Variants in REC114 observed in about 807,000 individuals in gnomAD.
The protein encoded by REC114 is meiotic recombination protein REC114.
In REC114, 27 loss-of-function variants were observed where a neutral mutation model predicts 31.3. The ratio of observed to expected loss-of-function variants is 0.86; its 90% CI spans 0.64 to 1.19. REC114 has a LOEUF of 1.19. Among genes scored for constraint, REC114 ranks in the 50% most tolerant of loss-of-function variants. The pLI, the probability that REC114 is intolerant of heterozygous loss-of-function variation, is 0.00. For missense variants in REC114, 344 were observed against 326.9 expected (o/e 1.05, Z -0.40); for synonymous variants, 134 against 127.7 (o/e 1.05, Z -0.33).
Position 73,447,805 on chromosome 15 carries a change from T to C in REC114, c.159+4461T>C, listed in dbSNP as rs371857783. ...CAACTGAGGTACCTGGTTCATCTCA[T>C]TGGGACTGGTTGGACAGTGGGTGCA... On this transcript the variant is annotated intron_variant, in intron 1 of 5. Transcript: ENST00000331090. 9.2e-5 allele frequency among the ~76,000 whole-genome samples: 14 copies of C among 152,236 alleles called. No homozygotes were observed. The East Asian group carries it at 1.2e-3, about 13-fold the overall frequency.
intron 1 of REC114, among the ~76,000 whole-genome samples, chr15:73,446,687 T>C (rs1892769110): frequency 6.6e-6 from 1 of 151,952 alleles, no homozygotes; most frequent in South Asian, 2.1e-4. Flanking sequence ...ACAACATACC[T>C]GAAAAAACCT....
chr15:73,555,616 G>T (rs1221689141), intron 4 of REC114, among the ~76,000 whole-genome samples: 1 of 152,042 alleles, frequency 6.6e-6, no homozygotes, highest in Non-Finnish European at 1.5e-5. Context: ...TACTTGTTAG[G>T]TTCTCACTGG....
chr15:73,445,277 C>T (rs1051757624), intron 1 of REC114, among the ~76,000 whole-genome samples: 4 of 152,168 alleles, frequency 2.6e-5, no homozygotes, highest in Admixed American at 2.6e-4. Context: ...CCTAGATGGC[C>T]TCTTCTTCTA....
chr15:73,475,401 T>C, intron 2 of REC114, among the ~76,000 whole-genome samples: 1 of 152,216 alleles, frequency 6.6e-6, no homozygotes, highest in East Asian at 1.9e-4. Context: ...ACAGATATGA[T>C]AGTGATCCCA....
At chr15:73,493,108 C>T (rs985213914) in intron 2 of REC114, among the ~76,000 whole-genome samples, 6 of 151,976 alleles carry the variant, frequency 3.9e-5, no homozygotes, top group African/African-American at 1.5e-4. Flanking sequence ...CCTTGAATTC[C>T]TGGGCTCAAG....
chr15:73,467,382 A>G (rs894098087), intron 1 of REC114, among the ~76,000 whole-genome samples: 8 of 152,208 alleles, frequency 5.3e-5, no homozygotes, highest in African/African-American at 1.9e-4. Flanking sequence ...ACTGCTCCCA[A>G]CATCCCACCT....
At chr15:73,485,233 G>A (rs1032735068) in intron 2 of REC114, among the ~76,000 whole-genome samples, 5 of 152,152 alleles carry the variant, frequency 3.3e-5, no homozygotes, top group Admixed American at 2.0e-4. Flanking sequence ...ACAGGTGTGC[G>A]CCACTACGCC....
intron 2 of REC114, among the ~76,000 whole-genome samples, chr15:73,490,727 C>T (rs1595868453): frequency 1.3e-5 from 2 of 152,092 alleles, no homozygotes; most frequent in African/African-American, 4.8e-5. Flanking sequence ...ATAATATACT[C>T]ACTGAGTTCA....
At chr15:73,522,224 G>C (rs1348018955) in intron 2 of REC114, among the ~76,000 whole-genome samples, 1 of 152,076 alleles carries the variant, frequency 6.6e-6, no homozygotes. Flanking sequence ...GTTATTTCTT[G>C]CCTCTCTGCT....
At chr15:73,468,687 T>C (rs984933708) in intron 1 of REC114, among the ~76,000 whole-genome samples, 1 of 151,864 alleles carries the variant, frequency 6.6e-6, no homozygotes, top group African/African-American at 2.4e-5. Context: ...AGTTTTTTTT[T>C]TTTTTTTAAT....
At chr15:73,550,709 CTGA>C (rs1436159215) in intron 3 of REC114, among the ~76,000 whole-genome samples, 1 of 152,094 alleles carries the variant, frequency 6.6e-6, no homozygotes, top group Non-Finnish European at 1.5e-5. Context: ...TCCACTGTTG[CTGA>C]TGTCACTTCC....
intron 2 of REC114, among the ~76,000 whole-genome samples, chr15:73,489,904 T>G (rs896657272): frequency 2.6e-5 from 4 of 152,204 alleles, no homozygotes; most frequent in Non-Finnish European, 5.9e-5. Flanking sequence ...TTTCAGGTAG[T>G]GGAAGGAGTG....
intron 1 of REC114, among the ~76,000 whole-genome samples, chr15:73,451,629 G>T (rs11638185): frequency 0.072 from 10,954 of 152,096 alleles, 662 homozygotes; most frequent in African/African-American, 0.17. Flanking sequence ...TAACTCATTT[G>T]ACAAGGCCAG....
intron 1 of REC114, among the ~76,000 whole-genome samples, chr15:73,462,709 C>T (rs888299268): frequency 1.3e-5 from 2 of 151,956 alleles, no homozygotes; most frequent in East Asian, 3.9e-4. Flanking sequence ...CACGGTGAAA[C>T]CGCATCTCCA....
chr15:73,495,605 G>A (rs913655215), intron 2 of REC114, among the ~76,000 whole-genome samples: 3 of 151,298 alleles, frequency 2.0e-5, no homozygotes, highest in Non-Finnish European at 4.4e-5. Flanking sequence ...CAAATTACAG[G>A]CATAAGAAGC....
chr15:73,550,841 T>C (rs1894376795), intron 3 of REC114, 97 bp from the exon 4 acceptor site: 3 of 1,138,462 alleles, frequency 2.6e-6, no homozygotes, highest in Non-Finnish European at 3.9e-6. Flanking sequence ...TCTATACCTC[T>C]TCCTCCGCCA....
chr15:73,444,901 A>G (rs1892745260), intron 1 of REC114, among the ~76,000 whole-genome samples: 1 of 152,234 alleles, frequency 6.6e-6, no homozygotes, highest in African/African-American at 2.4e-5. Context: ...CAGGCATGCA[A>G]ACAACATTCA....
At chr15:73,489,524 G>A (rs1460567883) in intron 2 of REC114, among the ~76,000 whole-genome samples, 1 of 151,596 alleles carries the variant, frequency 6.6e-6, no homozygotes, top group African/African-American at 2.4e-5. Flanking sequence ...CCTTTCCTAA[G>A]GGCCCTACTC....
chr15:73,461,065 A>G (rs1892982172), intron 1 of REC114, among the ~76,000 whole-genome samples: 4 of 152,032 alleles, frequency 2.6e-5, no homozygotes. Context: ...TAATTTTTGT[A>G]CATTGTAAAA....
Sources: gnomAD v4.1 joint callset for allele counts (sites outside exome capture counted in the v4.1 genomes callset) on GRCh38, gnomAD v4.1.1 for gene constraint, MANE v1.5 for transcripts, NCBI Gene and HGNC (gene_info 2026-07-23, HGNC 2026-07-21) for gene names.